CAMK1D: variants seen among roughly 807,000 people sequenced by gnomAD.
CAMK1D encodes calcium/calmodulin-dependent protein kinase type 1D.
CAMK1D carries 9 observed loss-of-function variants against 47.7 expected under a neutral mutation model. The observed-to-expected ratio is 0.19, with a 90% CI of 0.11 to 0.33. CAMK1D has a LOEUF of 0.33. CAMK1D is among the 10% of genes least tolerant of loss of function. CAMK1D has a pLI of 1.00. For missense variants in CAMK1D, 291 were observed against 488.7 expected, an observed-to-expected ratio of 0.60 and a Z score of 3.81; for synonymous variants, 184 against 184.9, an observed-to-expected ratio of 0.99 and a Z score of 0.04.
At chr10:12,368,774 A>G (rs559787670) in intron 1 of CAMK1D, among the ~76,000 whole-genome samples, 1 of 151,608 alleles carries the variant, frequency 6.6e-6, no homozygotes, top group Non-Finnish European at 1.5e-5. Context: ...AGTATAACAC[A>G]TGCTGCGATT....
At chr10:12,367,764 G>A (rs1837880793) in intron 1 of CAMK1D, among the ~76,000 whole-genome samples, 1 of 152,228 alleles carries the variant, frequency 6.6e-6, no homozygotes, top group East Asian at 1.9e-4. Context: ...TGCAAGTGAT[G>A]GGGGCGTCTG....
intron 2 of CAMK1D, among the ~76,000 whole-genome samples, chr10:12,612,289 G>A (rs1189862381): frequency 6.6e-6 from 1 of 151,694 alleles, no homozygotes; most frequent in Non-Finnish European, 1.5e-5. Flanking sequence ...CATATTCTCA[G>A]GCATGTTTAC....
At chr10:12,798,591 G>A (rs1564570040) in intron 6 of CAMK1D, among the ~76,000 whole-genome samples, 1 of 152,186 alleles carries the variant, frequency 6.6e-6, no homozygotes, top group Non-Finnish European at 1.5e-5. Flanking sequence ...AGCTAGTCCA[G>A]GCTGCGGGAA....
chr10:12,772,877 G>C (rs1186338102), intron 5 of CAMK1D, among the ~76,000 whole-genome samples: 1 of 152,152 alleles, frequency 6.6e-6, no homozygotes, highest in Non-Finnish European at 1.5e-5. Flanking sequence ...TCAGAGTAGG[G>C]AAGGGGCTGC....
chr10:12,488,849 G>A (rs560084619), intron 1 of CAMK1D, among the ~76,000 whole-genome samples: 157 of 152,336 alleles, frequency 1.0e-3, no homozygotes, highest in African/African-American at 3.3e-3. Context: ...AGCTCAGGCG[G>A]TGATGCGAGG....
intron 8 of CAMK1D, among the ~76,000 whole-genome samples, chr10:12,819,933 G>T (rs1012879475): frequency 5.3e-5 from 8 of 152,162 alleles, no homozygotes; most frequent in African/African-American, 1.9e-4. Flanking sequence ...GCAGAGTGAG[G>T]TAAGGAAGAG....
At chr10:12,566,831 A>G (rs1837139680) in intron 2 of CAMK1D, among the ~76,000 whole-genome samples, 1 of 152,182 alleles carries the variant, frequency 6.6e-6, no homozygotes, top group Non-Finnish European at 1.5e-5. Flanking sequence ...ACAATGGGAT[A>G]TTGAATCTGG....
intron 2 of CAMK1D, 46 bp downstream of exon 2, chr10:12,553,402 C>T (rs781778179): frequency 9.3e-6 from 14 of 1,497,960 alleles, no homozygotes; most frequent in Middle Eastern, 1.8e-4. Context: ...CCTCCTGGCC[C>T]GTGTGTCCTG....
chr10:12,721,107 C>T (rs1484667610), intron 3 of CAMK1D, among the ~76,000 whole-genome samples: 5 of 143,776 alleles, frequency 3.5e-5, no homozygotes, highest in East Asian at 4.2e-4. Flanking sequence ...AGCAAACATG[C>T]GCATGCCCAA....
At chr10:12,662,277 C>A (rs767514341) in intron 2 of CAMK1D, among the ~76,000 whole-genome samples, 3 of 152,136 alleles carry the variant, frequency 2.0e-5, no homozygotes, top group Non-Finnish European at 4.4e-5. Context: ...TCATCTGAAA[C>A]GCTGCATGGA....
chr10:12,759,893 G>T (rs998503945), intron 3 of CAMK1D, among the ~76,000 whole-genome samples: 2 of 152,170 alleles, frequency 1.3e-5, no homozygotes, highest in African/African-American at 4.8e-5. Flanking sequence ...GTGTGTTACC[G>T]TAGGGCTTGT....
chr10:12,374,283 A>G (rs1838104738), intron 1 of CAMK1D, among the ~76,000 whole-genome samples: 1 of 151,404 alleles, frequency 6.6e-6, no homozygotes, highest in Non-Finnish European at 1.5e-5. Flanking sequence ...AAAAAAAAGA[A>G]AAAAGAAAAA....
chr10:12,553,137 T>G, intron 1 of CAMK1D, 88 bp from the exon 2 acceptor site: 1 of 1,597,564 alleles, frequency 6.3e-7, no homozygotes, highest in South Asian at 1.1e-5. Flanking sequence ...CGTTATTGTT[T>G]ACTCAAACTT....
chr10:12,362,371 G>A lies in CAMK1D; in HGVS notation c.92+12461G>A, dbSNP rs145186866. On this transcript the variant is annotated intron_variant, in intron 1 of 10. Transcript: ENST00000619168. The stretch of plus-strand genomic sequence containing the variant: ...ACAGTCATCCCTTGGTATCTGCCGG[G>A]GGCTGGTTCCAGAATCAACCTGCCG... Among the ~76,000 whole-genome samples, 1,297 of 152,248 alleles carry A rather than the reference G, an allele frequency of 8.5e-3. 18 individuals are homozygous for A. The highest frequency in any genetic ancestry group is 0.027 in the African/African-American group (1,115 of 41,522).
chr10:12,358,662 GT>G (rs1162741476), intron 1 of CAMK1D, among the ~76,000 whole-genome samples: 4 of 152,184 alleles, frequency 2.6e-5, no homozygotes, highest in Non-Finnish European at 5.9e-5. Flanking sequence ...CAGAAAGATC[GT>G]TCTGGTGCAG....
chr10:12,821,867 CAA>C (rs1164782589), intron 8 of CAMK1D, among the ~76,000 whole-genome samples: 3 of 152,072 alleles, frequency 2.0e-5, no homozygotes, highest in Non-Finnish European at 4.4e-5. Context: ...CCCAGCTACT[CAA>C]GAGGCTGAGG....
At chr10:12,717,944 T>A (rs1207899935) in intron 3 of CAMK1D, among the ~76,000 whole-genome samples, 5 of 151,638 alleles carry the variant, frequency 3.3e-5, no homozygotes, top group Non-Finnish European at 7.4e-5. Context: ...ATTTCAGCAT[T>A]GAAAGATATA....
chr10:12,513,956 T>A (rs7090165), intron 1 of CAMK1D, among the ~76,000 whole-genome samples: 108 of 152,324 alleles, frequency 7.1e-4, no homozygotes, highest in African/African-American at 2.5e-3. Context: ...CTTCAAACAT[T>A]TATGCCTCTC....
intron 3 of CAMK1D, among the ~76,000 whole-genome samples, chr10:12,733,095 G>A (rs1834970656): frequency 6.6e-6 from 1 of 152,230 alleles, no homozygotes; most frequent in African/African-American, 2.4e-5. Flanking sequence ...GAGACCCTGT[G>A]CCTCCAGTCC....
Sources: gnomAD v4.1 joint callset for allele counts (sites outside exome capture counted in the v4.1 genomes callset) on GRCh38, gnomAD v4.1.1 for gene constraint, MANE v1.5 for transcripts, NCBI Gene and HGNC (gene_info 2026-07-23, HGNC 2026-07-21) for gene names.